DNAH5: variants seen among roughly 807,000 people sequenced by gnomAD.
The protein encoded by DNAH5 is axonemal beta dynein heavy chain 5.
Under a neutral mutation model 518.2 loss-of-function variants are expected in DNAH5, and 372 were observed. The ratio of observed to expected loss-of-function variants is 0.72; its 90% CI spans 0.66 to 0.78. The LOEUF (loss-of-function observed/expected upper bound fraction) is 0.78. DNAH5 is among the 30% of genes least tolerant of loss of function. The probability of loss-of-function intolerance (pLI) is 0.00; values close to 1 mark genes in which losing one functional copy is unlikely to be tolerated. For missense variants in DNAH5, 5,523 were observed against 5,687.0 expected, an observed-to-expected ratio of 0.97 and a Z score of 0.93; for synonymous variants, 2,039 against 2,025.9, an observed-to-expected ratio of 1.01 and a Z score of -0.17.
In DNAH5 at chr5:13,910,942, G is replaced by A. The variant is rs9312852; in HGVS notation, c.1644+444C>T. ...GGGTTGCAAGTCCAAGCGGGGTCCA[G>A]GTGCTGAGTCGGTCCTGGCGCCACC... On this transcript the variant is annotated intron_variant, in intron 12 of 78. Coordinates refer to ENST00000265104, the MANE Select transcript of DNAH5 (RefSeq NM_001369.3). Among the ~76,000 whole-genome samples the A allele has an allele frequency of 0.42, 64,068 of 152,116 alleles. 14,133 individuals are homozygous for A. Among genetic ancestry groups the A allele is most frequent in the East Asian group, 0.85 (4,407 of 5,176 alleles).
intron 22 of DNAH5, 25 bp downstream of exon 22, chr5:13,876,659 C>T (rs566559442): frequency 6.6e-5 from 106 of 1,609,488 alleles, no homozygotes; most frequent in Admixed American, 1.2e-4. Flanking sequence ...GCAAAAGGTC[C>T]GGCTGCCAGA....
intron 47 of DNAH5, among the ~76,000 whole-genome samples, chr5:13,795,318 A>G (rs563438396): frequency 1.3e-5 from 2 of 152,244 alleles, no homozygotes; most frequent in South Asian, 2.1e-4. Context: ...TTAATAAAGA[A>G]GAAAAGAGAG....
chr5:13,865,645 A>G (rs777428553), intron 27 of DNAH5, 23 bp downstream of exon 27: 2 of 1,391,338 alleles, frequency 1.4e-6, no homozygotes, highest in East Asian at 4.6e-5. Flanking sequence ...ATTGCTGGGC[A>G]TGCTAAACAT....
At chr5:13,769,436 G>C (rs1369245609) in intron 57 of DNAH5, 65 bp downstream of exon 57, 17 of 1,277,080 alleles carry the variant, frequency 1.3e-5, no homozygotes, top group Non-Finnish European at 1.1e-6. Context: ...AATATGCATA[G>C]ATCATTAACA....
intron 52 of DNAH5, among the ~76,000 whole-genome samples, chr5:13,785,309 G>A (rs1451357081): frequency 6.6e-6 from 1 of 151,936 alleles, no homozygotes; most frequent in Non-Finnish European, 1.5e-5. Context: ...TTCACCTGCT[G>A]CTCACCTCCT....
chr5:13,985,325 G>GC (rs1198775162), intron 1 of DNAH5, among the ~76,000 whole-genome samples: 1 of 151,414 alleles, frequency 6.6e-6, no homozygotes, highest in African/African-American at 2.4e-5. Flanking sequence ...TATACCTAAT[G>GC]TAAATGACGA....
intron 1 of DNAH5, among the ~76,000 whole-genome samples, chr5:13,939,914 A>G (rs1779303529): frequency 6.6e-6 from 1 of 152,080 alleles, no homozygotes. Flanking sequence ...ATTTAACAAG[A>G]GCCACGCTTT....
chr5:13,794,037 C>A lies in DNAH5; in HGVS notation c.7909G>T (p.Asp2637Tyr). Residue 2637 changes from aspartate (D) to tyrosine (Y), a missense_variant, in exon 48 of 79, where the codon GAT becomes TAT. Around this residue, in one of 3 missense-constraint regions of DNAH5, gnomAD observed 5,121 missense variants for 5,223.3 expected, o/e 0.98. Coordinates refer to ENST00000265104, the MANE Select transcript of DNAH5 (RefSeq NM_001369.3). ...MFQRTIESYV[D>Y]KRMGTTYGPP... ...CCATATGTTGTACCCATTCGTTTAT[C>A]CACATAGCTCTCTATCGTCCTCTGT... 1.2e-6 allele frequency: 2 copies of A among 1,614,062 alleles called. No homozygotes were observed. Among genetic ancestry groups the A allele is most frequent in the East Asian group, 2.2e-5 (1 of 44,846 alleles).
At chr5:13,788,956 T>C in intron 50 of DNAH5, 42 bp from the exon 51 acceptor site, 1 of 1,563,054 alleles carries the variant, frequency 6.4e-7, no homozygotes, top group East Asian at 2.3e-5. Flanking sequence ...ATTCCTGTTA[T>C]GCCGTAATTG....
chr5:13,789,320 G>T (rs192118809), intron 50 of DNAH5, among the ~76,000 whole-genome samples: 1 of 152,124 alleles, frequency 6.6e-6, no homozygotes. Flanking sequence ...TTACAAAGGT[G>T]TATTCACTTA....
intron 31 of DNAH5, among the ~76,000 whole-genome samples, chr5:13,845,885 C>CAGTGGCA: frequency 7.0e-6 from 1 of 143,068 alleles, no homozygotes; most frequent in South Asian, 2.2e-4. Context: ...GGCTGGAGTG[C>CAGTGGCA]AGTGGCATGA....
rs544610987 is a variant in DNAH5, at chr5:13,871,625, T to C, written c.3537A>G (p.Leu1179=). The change falls in exon 23 of 79, where the codon CTA becomes CTG. Residue 1179 remains leucine (L), a synonymous_variant. Transcript: ENST00000265104. The part of the protein sequence containing the change: ...FESQILYFQN[L]EQEINAEPEY... ...CAGGCTCAGCATTAATTTCCTGCTC[T>C]AGGTTTTGGAAATAGAGAATCTGGG... 1.2e-6 allele frequency: 2 copies of C among 1,613,838 alleles called. No individual in the cohort carries two copies. The highest frequency in any genetic ancestry group is 1.7e-5 in the Admixed American group (1 of 59,970).
intron 77 of DNAH5, 92 bp downstream of exon 77, chr5:13,701,192 T>C: frequency 6.5e-7 from 1 of 1,530,844 alleles, no homozygotes; most frequent in African/African-American, 1.4e-5. Context: ...ACAGTCATTC[T>C]CTGTCTTATT....
In DNAH5 at chr5:13,788,768, A is replaced by G; in HGVS notation, c.8595T>C (p.Cys2865=). ...AATCCACAAAATATGTGTCAATTCC[A>G]CAATCCACCAAGAGTTTTTTCTCTT... ...FGEEKKLLVD[C]GIDTYFVDFL... is the part of the protein sequence containing the mutation. The change falls in exon 51 of 79, where the codon TGT becomes TGC. Residue 2865 remains cysteine, a synonymous_variant. Transcript: ENST00000265104. The G allele has an allele frequency of 1.2e-6, 2 of 1,614,102 alleles. No homozygotes were observed. Among genetic ancestry groups the G allele is most frequent in the Middle Eastern group, 1.6e-4 (1 of 6,062 alleles).
intron 1 of DNAH5, among the ~76,000 whole-genome samples, chr5:13,951,995 T>C (rs1200612099): frequency 6.6e-6 from 1 of 152,184 alleles, no homozygotes; most frequent in Non-Finnish European, 1.5e-5. Flanking sequence ...ATGAGAAAAG[T>C]GAATCAAATG....
At chr5:13,951,005 G>A in intron 1 of DNAH5, among the ~76,000 whole-genome samples, 1 of 152,022 alleles carries the variant, frequency 6.6e-6, no homozygotes, top group Admixed American at 6.6e-5. Flanking sequence ...TAGAGAGATA[G>A]GAAGAGAACC....
intron 32 of DNAH5, among the ~76,000 whole-genome samples, chr5:13,842,994 A>G (rs1765493245): frequency 6.6e-6 from 1 of 152,216 alleles, no homozygotes; most frequent in East Asian, 1.9e-4. Flanking sequence ...GACAGTGAGA[A>G]GCTTTGCTCC....
rs112261953 is a variant in DNAH5, at chr5:13,928,208, T to C, written c.193-30A>G. On this transcript the variant is annotated intron_variant, in intron 2 of 78. Transcript: ENST00000265104. The stretch of plus-strand genomic sequence containing the variant: ...GAAAAAGAAAAAGGCAAGATAATGA[T>C]TTTCAATCCAAATTAGAAACTGCAA... 1.6e-3 allele frequency: 2,557 copies of C among 1,551,558 alleles called. 43 individuals carry two copies. In the South Asian group the frequency reaches 0.021, roughly 13 times the overall value.
chr5:13,933,965 C>T (rs1778669280), intron 1 of DNAH5, among the ~76,000 whole-genome samples: 1 of 152,058 alleles, frequency 6.6e-6, no homozygotes, highest in Admixed American at 6.6e-5. Context: ...TGCAGCTTCT[C>T]ACAGCTCTTT....
Sources: gnomAD v4.1 joint callset for allele counts (sites outside exome capture counted in the v4.1 genomes callset) on GRCh38, gnomAD v4.1.1 for gene constraint, gnomAD v4.1.1 regional missense constraint, MANE v1.5 for transcripts, NCBI Gene and HGNC (gene_info 2026-07-23, HGNC 2026-07-21) for gene names.